CLVS1: variants seen among roughly 807,000 people sequenced by gnomAD.
CLVS1 encodes clavesin-1.
A neutral mutation model predicts 33.1 loss-of-function variants in CLVS1; 10 were observed. That is an observed-to-expected ratio of 0.30 (90% CI 0.19 to 0.51). The LOEUF (loss-of-function observed/expected upper bound fraction) is 0.51. CLVS1 is among the 20% of genes least tolerant of loss of function. The probability of loss-of-function intolerance (pLI) is 0.97; values close to 1 mark genes in which losing one functional copy is unlikely to be tolerated. For missense variants in CLVS1, 343 were observed against 433.4 expected, an observed-to-expected ratio of 0.79 and a Z score of 1.85; for synonymous variants, 163 against 166.1, an observed-to-expected ratio of 0.98 and a Z score of 0.14.
intron 4 of CLVS1, among the ~76,000 whole-genome samples, chr8:61,456,602 TC>T (rs1478110135): frequency 6.6e-6 from 1 of 152,078 alleles, no homozygotes; most frequent in Non-Finnish European, 1.5e-5. Flanking sequence ...ATTATTGAGG[TC>T]CTCTATGTAA....
chr8:61,471,582 A>C (rs1354951880), intron 5 of CLVS1, among the ~76,000 whole-genome samples: 2 of 152,056 alleles, frequency 1.3e-5, no homozygotes, highest in Admixed American at 6.5e-5. Context: ...GGAGCCCTGC[A>C]CCCAGAGCAT....
At position 61,246,167 on chromosome 8, in the gene CLVS1, C is replaced by CTTTTTTTTTTTTTTTTT. The variant is rs1188366643; in HGVS notation, c.-151-53497_-151-53481dup. On this transcript the variant is annotated intron_variant, in intron 2 of 2. Transcript: ENST00000522621. ...AAACCCTTTTTCTCTTCCTTCCCAA[C>CTTTTTTTTTTTTTTTTT]TTTTTTTTTTTTTTTTTTTTTTTTT... Among the ~76,000 whole-genome samples the CTTTTTTTTTTTTTTTTT allele has an allele frequency of 1.8e-4, 15 of 82,210 alleles. 3 individuals are homozygous for CTTTTTTTTTTTTTTTTT. Among genetic ancestry groups the CTTTTTTTTTTTTTTTTT allele is most frequent in the Non-Finnish European group, 3.0e-4 (13 of 43,752 alleles). 53.9% of individuals were successfully genotyped at this position (82,210 alleles called of 152,430 possible). A position where few individuals can be genotyped will look rare whatever the true frequency, so the allele number is the denominator to read the frequency against.
chr8:61,365,210 C>G (rs186711183), intron 2 of CLVS1, among the ~76,000 whole-genome samples: 50 of 152,284 alleles, frequency 3.3e-4, no homozygotes, highest in Middle Eastern at 6.8e-3. Context: ...GTGACTAGCA[C>G]ATTTCCATGA....
chr8:61,413,629 C>T (rs1161163523), intron 3 of CLVS1, among the ~76,000 whole-genome samples: 3 of 152,190 alleles, frequency 2.0e-5, no homozygotes, highest in African/African-American at 7.2e-5. Context: ...AACACCCTCC[C>T]CTTAACAACC....
chr8:61,026,477 A>G, the CLVS1 span, among the ~76,000 whole-genome samples: 2 of 152,346 alleles, frequency 1.3e-5, no homozygotes, highest in East Asian at 3.9e-4. Flanking sequence ...ATATTTTGAT[A>G]TTCCAAAATA....
intron 2 of CLVS1, among the ~76,000 whole-genome samples, chr8:61,208,189 A>T (rs1312505986): frequency 6.6e-6 from 1 of 152,218 alleles, no homozygotes; most frequent in African/African-American, 2.4e-5. Context: ...GTGATCCATC[A>T]CCAGAACACT....
the CLVS1 span, among the ~76,000 whole-genome samples, chr8:60,979,213 G>T: frequency 6.6e-6 from 1 of 152,122 alleles, no homozygotes; most frequent in African/African-American, 2.4e-5. Context: ...TCTATAAAGG[G>T]GGGTTGTTGA....
chr8:61,088,968 AT>A (rs1179548100), intron 1 of CLVS1, among the ~76,000 whole-genome samples: 1 of 151,644 alleles, frequency 6.6e-6, no homozygotes, highest in Non-Finnish European at 1.5e-5. Flanking sequence ...CGCCTGGCTA[AT>A]TTTTTTGTAT....
At chr8:61,193,689 T>C (rs72654680) in intron 2 of CLVS1, among the ~76,000 whole-genome samples, 10,626 of 151,806 alleles carry the variant, frequency 0.07, 481 homozygotes, top group East Asian at 0.15. Context: ...TAAAATAATG[T>C]CATTTTCAGA....
At chr8:60,979,619 A>C in the CLVS1 span, among the ~76,000 whole-genome samples, 1 of 152,242 alleles carries the variant, frequency 6.6e-6, no homozygotes, top group African/African-American at 2.4e-5. Context: ...CAATGTGCTC[A>C]AATCTGCACA....
chr8:61,146,542 G>T (rs1263337226), intron 2 of CLVS1, among the ~76,000 whole-genome samples: 1 of 152,146 alleles, frequency 6.6e-6, no homozygotes, highest in African/African-American at 2.4e-5. Flanking sequence ...TCCCTACAGT[G>T]GCACCACAGA....
intron 3 of CLVS1, among the ~76,000 whole-genome samples, chr8:61,410,085 T>TC (rs1363003035): frequency 2.7e-5 from 4 of 147,946 alleles, no homozygotes; most frequent in Admixed American, 1.3e-4. Flanking sequence ...TTTTTTTTTT[T>TC]CTTTGTTTTT....
intron 5 of CLVS1, among the ~76,000 whole-genome samples, chr8:61,478,141 T>G (rs1328999914): frequency 2.0e-5 from 3 of 152,224 alleles, no homozygotes; most frequent in East Asian, 1.9e-4. Context: ...GTGAGTTTCT[T>G]AATCCTGAGT....
intron 2 of CLVS1, among the ~76,000 whole-genome samples, chr8:61,276,543 C>T (rs189434241): frequency 6.6e-5 from 10 of 152,302 alleles, no homozygotes; most frequent in East Asian, 5.8e-4. Context: ...CAGTGCTCCA[C>T]GGCATTTTTC....
chr8:60,991,747 T>TC, the CLVS1 span, among the ~76,000 whole-genome samples: 1 of 144,040 alleles, frequency 6.9e-6, no homozygotes, highest in East Asian at 1.9e-4. Flanking sequence ...CCCCACTCTT[T>TC]TTTTTTTTTT....
Position 61,299,741 on chromosome 8 carries a change from A to C in CLVS1, c.-87A>C, listed in dbSNP as rs1324448855. The C allele has an allele frequency of 1.0e-6, 1 of 986,370 alleles. No homozygotes were observed. Among genetic ancestry groups the C allele is most frequent in the African/African-American group, 1.6e-5 (1 of 61,736 alleles). 61.1% of individuals were successfully genotyped at this position (986,370 alleles called of 1,614,324 possible). A position where few individuals can be genotyped will look rare whatever the true frequency, so the allele number is the denominator to read the frequency against. On this transcript the variant is annotated 5_prime_UTR_variant, in exon 2 of 6. Coordinates refer to ENST00000325897, the MANE Select transcript of CLVS1 (RefSeq NM_173519.3). ...ACCACCACATAGGGCCTGAATGTGA[A>C]AGAAGACCCTCTATTTGTCTGTTCC...
the CLVS1 span, among the ~76,000 whole-genome samples, chr8:61,030,636 C>T: frequency 6.6e-6 from 1 of 151,924 alleles, no homozygotes; most frequent in Non-Finnish European, 1.5e-5. Context: ...CAGTTTGTGC[C>T]GAGAAGGTGG....
intron 3 of CLVS1, among the ~76,000 whole-genome samples, chr8:61,423,292 G>A (rs990326178): frequency 6.6e-6 from 1 of 152,118 alleles, no homozygotes; most frequent in Non-Finnish European, 1.5e-5. Flanking sequence ...TTTAACATTA[G>A]CAGAGTTTAG....
At chr8:61,473,650 G>A (rs77427095) in intron 5 of CLVS1, among the ~76,000 whole-genome samples, 1 of 152,256 alleles carries the variant, frequency 6.6e-6, no homozygotes, top group South Asian at 2.1e-4. Flanking sequence ...AGCCTGGATT[G>A]GAGTGCTGAG....
Sources: allele counts gnomAD v4.1 joint callset (sites outside exome capture counted in the v4.1 genomes callset), GRCh38; gene constraint gnomAD v4.1.1; transcripts MANE v1.5; gene names NCBI Gene and HGNC (gene_info 2026-07-23, HGNC 2026-07-21).